Variants in CCDC148 observed in about 807,000 individuals in gnomAD.
The protein encoded by CCDC148 is coiled-coil domain containing 148, also known as coiled-coil domain-containing protein 148.
A neutral mutation model predicts 85.7 loss-of-function variants in CCDC148; 89 were observed. That is an observed-to-expected ratio of 1.04 (90% CI 0.87 to 1.24). CCDC148 has a LOEUF of 1.24. Ranked by LOEUF, CCDC148 falls within the 50% of genes most tolerant of loss-of-function variation. The pLI, the probability that CCDC148 is intolerant of heterozygous loss-of-function variation, is 0.00. For missense variants in CCDC148, 692 were observed against 671.7 expected, an observed-to-expected ratio of 1.03 and a Z score of -0.33; for synonymous variants, 230 against 213.9, an observed-to-expected ratio of 1.08 and a Z score of -0.66.
chr2:158,256,804 C>T (rs1451312508), intron 9 of CCDC148, among the ~76,000 whole-genome samples: 1 of 151,718 alleles, frequency 6.6e-6, no homozygotes, highest in African/African-American at 2.4e-5. Flanking sequence ...GAAGGCTTTC[C>T]TAACCCACCA....
At chr2:158,228,086 A>G (rs1687646681) in intron 10 of CCDC148, among the ~76,000 whole-genome samples, 1 of 152,216 alleles carries the variant, frequency 6.6e-6, no homozygotes, top group East Asian at 1.9e-4. Context: ...TCCAGAATCT[A>G]CAATGAACTC....
intron 9 of CCDC148, among the ~76,000 whole-genome samples, chr2:158,282,684 G>A (rs950759501): frequency 3.3e-5 from 5 of 152,184 alleles, no homozygotes; most frequent in African/African-American, 7.2e-5. Context: ...AATCAATATT[G>A]TGAAAATGGC....
rs1683092243 is a variant in CCDC148, at chr2:158,348,271, C to T, written c.148-2953G>A. Among the ~76,000 whole-genome samples, 3 of 152,024 alleles carry T rather than the reference C, an allele frequency of 2.0e-5. No individual in the cohort carries two copies. In the South Asian group the frequency reaches 6.2e-4, roughly 31 times the overall value. ...AAAATTAATTGAACTTGAATCTGAT[C>T]AAGTCCCTAAATATAACTATCAATT... On this transcript the variant is annotated intron_variant, in intron 2 of 13. Transcript: ENST00000283233.
intron 1 of CCDC148, among the ~76,000 whole-genome samples, chr2:158,441,794 TTTAATA>T (rs1202592181): frequency 6.6e-6 from 1 of 152,180 alleles, no homozygotes; most frequent in Non-Finnish European, 1.5e-5. Context: ...TTTATCCAGA[TTTAATA>T]TTAATATCTT....
chr2:158,426,599 T>C (rs1438751991), intron 1 of CCDC148, among the ~76,000 whole-genome samples: 1 of 152,164 alleles, frequency 6.6e-6, no homozygotes, highest in Non-Finnish European at 1.5e-5. Context: ...AAACTTTGAA[T>C]TTGGCATTCA....
intron 1 of CCDC148, among the ~76,000 whole-genome samples, chr2:158,428,728 C>T (rs1399226708): frequency 6.6e-6 from 1 of 151,686 alleles, no homozygotes; most frequent in Non-Finnish European, 1.5e-5. Flanking sequence ...GACAGTGTGG[C>T]GATTCCTCAA....
At chr2:158,338,612 G>A (rs1305611702) in intron 7 of CCDC148, 114 bp downstream of exon 7, 1 of 719,104 alleles carries the variant, frequency 1.4e-6, no homozygotes, top group African/African-American at 1.9e-5. Context: ...AACATTTATT[G>A]ATTGTATTCC....
At chr2:158,209,205 C>T (rs1686423272) in intron 11 of CCDC148, among the ~76,000 whole-genome samples, 1 of 151,998 alleles carries the variant, frequency 6.6e-6, no homozygotes, top group Admixed American at 6.6e-5. Context: ...CTATGGTATC[C>T]ACCAGGGTAG....
intron 7 of CCDC148, among the ~76,000 whole-genome samples, chr2:158,323,008 T>G (rs1346393065): frequency 6.6e-6 from 1 of 152,148 alleles, no homozygotes; most frequent in Non-Finnish European, 1.5e-5. Flanking sequence ...TTCATCCAAA[T>G]GTTAGGAAAT....
chr2:158,312,475 T>C (rs1692069989), intron 8 of CCDC148, among the ~76,000 whole-genome samples: 2 of 148,588 alleles, frequency 1.3e-5, no homozygotes, highest in South Asian at 4.3e-4. Flanking sequence ...CCAGCTACTC[T>C]GGAGGCTGAG....
intron 1 of CCDC148, chr2:158,425,108 T>A: frequency 2.1e-6 from 1 of 477,682 alleles, no homozygotes. Context: ...ACTACTATGA[T>A]CGCGGATATG....
At chr2:158,305,514 C>T (rs375922867) in intron 9 of CCDC148, among the ~76,000 whole-genome samples, 16 of 152,106 alleles carry the variant, frequency 1.1e-4, no homozygotes, top group Admixed American at 4.6e-4. Flanking sequence ...GGGAAGCCAA[C>T]GCAGGAAGAT....
chr2:158,418,900 C>A (rs1390732287), intron 1 of CCDC148, among the ~76,000 whole-genome samples: 2 of 152,042 alleles, frequency 1.3e-5, no homozygotes, highest in Non-Finnish European at 2.9e-5. Context: ...TGCGTGCTAA[C>A]AGAAAACAAA....
intron 9 of CCDC148, among the ~76,000 whole-genome samples, chr2:158,275,960 C>G (rs76287596): frequency 0.046 from 6,932 of 151,492 alleles, 526 homozygotes; most frequent in African/African-American, 0.16. Context: ...CCTATAGATT[C>G]CTGAAAGGCT....
intron 11 of CCDC148, among the ~76,000 whole-genome samples, chr2:158,197,402 G>C (rs1239068974): frequency 6.6e-6 from 1 of 152,090 alleles, no homozygotes; most frequent in Non-Finnish European, 1.5e-5. Flanking sequence ...AACAGATATG[G>C]ACTCTGGCTT....
At chr2:158,218,741 T>A (rs1389749134) in intron 11 of CCDC148, among the ~76,000 whole-genome samples, 3 of 152,234 alleles carry the variant, frequency 2.0e-5, no homozygotes, top group Non-Finnish European at 2.9e-5. Context: ...TCCACCTACT[T>A]GTTTCTGACC....
At chr2:158,300,774 A>G (rs1574578680) in intron 9 of CCDC148, among the ~76,000 whole-genome samples, 1 of 152,292 alleles carries the variant, frequency 6.6e-6, no homozygotes, top group South Asian at 2.1e-4. Flanking sequence ...ATTACTGAAA[A>G]CCTGGACAGC....
At chr2:158,309,887 GC>G (rs1418700145) in intron 8 of CCDC148, among the ~76,000 whole-genome samples, 1 of 152,278 alleles carries the variant, frequency 6.6e-6, no homozygotes, top group East Asian at 1.9e-4. Flanking sequence ...CATATAGGAT[GC>G]AGTTACACCA....
At chr2:158,276,148 C>A (rs905281289) in intron 9 of CCDC148, among the ~76,000 whole-genome samples, 1 of 152,004 alleles carries the variant, frequency 6.6e-6, no homozygotes, top group African/African-American at 2.4e-5. Flanking sequence ...CATTAAAAAC[C>A]GCCTTGCCTC....
Sources: allele counts gnomAD v4.1 joint callset (sites outside exome capture counted in the v4.1 genomes callset), GRCh38; gene constraint gnomAD v4.1.1; transcripts MANE v1.5; gene names NCBI Gene and HGNC (gene_info 2026-07-23, HGNC 2026-07-21).